EPHX4: variants seen among roughly 807,000 people sequenced by gnomAD.
The protein encoded by EPHX4 is abhydrolase domain containing 7.
A neutral mutation model predicts 44.9 loss-of-function variants in EPHX4; 31 were observed. The observed-to-expected ratio is 0.69, with a 90% CI of 0.52 to 0.93. The LOEUF (loss-of-function observed/expected upper bound fraction) is 0.93, where lower values mean the gene tolerates loss of function less well. Ranked by LOEUF, EPHX4 falls within the 40% of genes least tolerant of loss-of-function variation. The pLI is 0.00. For synonymous variants in EPHX4, 151 were observed against 159.7 expected (o/e 0.95, Z 0.41); for missense variants, 373 against 438.1 (o/e 0.85, Z 1.33).
chr1:92,043,283 G>A (rs954093957), intron 3 of EPHX4: 5 of 184,592 alleles, frequency 2.7e-5, no homozygotes, highest in African/African-American at 2.4e-5. Context: ...AGGCTGAGGC[G>A]GGCAGATCAC....
intron 6 of EPHX4, among the ~76,000 whole-genome samples, chr1:92,054,496 G>C (rs956743296): frequency 2.1e-4 from 32 of 150,936 alleles, no homozygotes; most frequent in African/African-American, 7.8e-4. Flanking sequence ...GCTGAGGTAG[G>C]AGAATCGCTT....
intron 2 of EPHX4, 99 bp from the exon 3 acceptor site, chr1:92,042,724 C>CAAAA (rs66834073): frequency 3.8e-4 from 260 of 690,308 alleles, no homozygotes; most frequent in South Asian, 4.8e-4. Context: ...AACTCTGTCT[C>CAAAA]AAAAAAAAAA....
intron 5 of EPHX4, among the ~76,000 whole-genome samples, chr1:92,051,808 C>T (rs1647264156): frequency 6.6e-6 from 1 of 152,192 alleles, no homozygotes; most frequent in African/African-American, 2.4e-5. Context: ...CATTAGTGAT[C>T]ATAGCCTAGG....
intron 6 of EPHX4, among the ~76,000 whole-genome samples, chr1:92,057,573 A>G (rs1159106164): frequency 1.3e-5 from 2 of 152,004 alleles, no homozygotes; most frequent in African/African-American, 2.4e-5. Context: ...ACACCCATAC[A>G]TAGAAGCCTA....
chr1:92,032,757 T>A (rs1030724448), intron 2 of EPHX4, among the ~76,000 whole-genome samples, 167 bp downstream of exon 2: 1 of 152,102 alleles, frequency 6.6e-6, no homozygotes, highest in South Asian at 2.1e-4. Flanking sequence ...GGTGCCAACA[T>A]CTGACAAGGG....
At chr1:92,039,069 G>A (rs1688477859) in intron 2 of EPHX4, among the ~76,000 whole-genome samples, 1 of 152,196 alleles carries the variant, frequency 6.6e-6, no homozygotes, top group Non-Finnish European at 1.5e-5. Context: ...TAGTAAGAAT[G>A]GTATAGATGT....
intron 4 of EPHX4, 130 bp downstream of exon 4, chr1:92,045,790 G>A (rs1481818254): frequency 2.1e-6 from 2 of 969,762 alleles, no homozygotes; most frequent in South Asian, 1.5e-5. Context: ...AACCATGATA[G>A]CACATGACAG....
At chr1:92,032,819 G>A (rs1459035986) in intron 2 of EPHX4, among the ~76,000 whole-genome samples, 2 of 152,176 alleles carry the variant, frequency 1.3e-5, no homozygotes, top group African/African-American at 4.8e-5. Flanking sequence ...AGAAGCAAAA[G>A]GGGGCCGAAA....
At chr1:92,033,039 T>C (rs1204269995) in intron 2 of EPHX4, among the ~76,000 whole-genome samples, 1 of 151,386 alleles carries the variant, frequency 6.6e-6, no homozygotes, top group Non-Finnish European at 1.5e-5. Context: ...CACCTCAGCC[T>C]ACCAAGTAGC....
intron 3 of EPHX4, 22 bp downstream of exon 3, chr1:92,043,002 C>T (rs781378160): frequency 3.2e-6 from 5 of 1,554,738 alleles, no homozygotes; most frequent in Non-Finnish European, 4.4e-6. Flanking sequence ...TGAAACAAAA[C>T]AACTCTTTTT....
At chr1:92,031,212 A>G (rs1688355727) in intron 1 of EPHX4, among the ~76,000 whole-genome samples, 1 of 152,214 alleles carries the variant, frequency 6.6e-6, no homozygotes, top group Non-Finnish European at 1.5e-5. Flanking sequence ...AAAAACAAAC[A>G]CGAAAAACTT....
At chr1:92,040,345 T>A (rs1688492641) in intron 2 of EPHX4, among the ~76,000 whole-genome samples, 1 of 123,988 alleles carries the variant, frequency 8.1e-6, no homozygotes. Context: ...TTAGCAAATT[T>A]TTTTTTTTTT....
intron 6 of EPHX4, among the ~76,000 whole-genome samples, chr1:92,054,193 C>T (rs564568378): frequency 6.6e-6 from 1 of 152,220 alleles, no homozygotes; most frequent in East Asian, 1.9e-4. Flanking sequence ...TTAACATTCC[C>T]CAGGAAGCCT....
At chr1:92,041,017 C>G (rs931272438) in intron 2 of EPHX4, among the ~76,000 whole-genome samples, 1 of 151,934 alleles carries the variant, frequency 6.6e-6, no homozygotes, top group African/African-American at 2.4e-5. Context: ...AGTCCCATAA[C>G]ATAGTGAGTC....
At chr1:92,060,812 A>G (rs935722768) in intron 6 of EPHX4, among the ~76,000 whole-genome samples, 1 of 152,070 alleles carries the variant, frequency 6.6e-6, no homozygotes, top group African/African-American at 2.4e-5. Flanking sequence ...AACCATGCAG[A>G]TAACTGTTAG....
At chr1:92,055,120 G>A (rs1647334186) in intron 6 of EPHX4, among the ~76,000 whole-genome samples, 1 of 151,994 alleles carries the variant, frequency 6.6e-6, no homozygotes, top group Admixed American at 6.6e-5. Flanking sequence ...TATCAAAAAG[G>A]CAGAAAGGGA....
At chr1:92,050,272 A>C in intron 4 of EPHX4, 45 bp from the exon 5 acceptor site, 1 of 1,239,466 alleles carries the variant, frequency 8.1e-7, no homozygotes, top group South Asian at 1.3e-5. Flanking sequence ...ACAGTAAGTA[A>C]TTTATACCCC....
intron 3 of EPHX4, among the ~76,000 whole-genome samples, chr1:92,044,793 T>G (rs113254162): frequency 1.8e-3 from 279 of 152,274 alleles, no homozygotes; most frequent in African/African-American, 5.8e-3. Context: ...ATAATTTTAC[T>G]ATAACTAGAA....
At chr1:92,042,655 G>A (rs1475928311) in intron 2 of EPHX4, among the ~76,000 whole-genome samples, 168 bp from the exon 3 acceptor site, 1 of 147,556 alleles carries the variant, frequency 6.8e-6, no homozygotes, top group Non-Finnish European at 1.5e-5. Context: ...AGCCAGGGAG[G>A]TTGAGGCTGC....
Sources: allele counts gnomAD v4.1 joint callset (sites outside exome capture counted in the v4.1 genomes callset), GRCh38; gene constraint gnomAD v4.1.1; transcripts MANE v1.5; gene names NCBI Gene and HGNC (gene_info 2026-07-23, HGNC 2026-07-21).